Variants in ANKRD31 observed in about 807,000 individuals in gnomAD.
ANKRD31 encodes ankyrin repeat domain 31.
Under a neutral mutation model 186.0 loss-of-function variants are expected in ANKRD31, and 147 were observed. That is an observed-to-expected ratio of 0.79 (90% CI 0.69 to 0.91). ANKRD31 has a LOEUF of 0.91. Among genes scored for constraint, ANKRD31 ranks in the 40% least tolerant of loss-of-function variants. The pLI is 0.00. For missense variants in ANKRD31, 1,986 were observed against 2,148.8 expected, an observed-to-expected ratio of 0.92 and a Z score of 1.50; for synonymous variants, 673 against 736.4, an observed-to-expected ratio of 0.91 and a Z score of 1.39.
At chr5:75,082,118 T>A (rs905421425) in intron 24 of ANKRD31, among the ~76,000 whole-genome samples, 1 of 152,250 alleles carries the variant, frequency 6.6e-6, no homozygotes, top group African/African-American at 2.4e-5. Context: ...TTATTAATGT[T>A]ATCTGTTTCC....
chr5:75,079,325 G>T (rs1744905356), intron 25 of ANKRD31, among the ~76,000 whole-genome samples: 1 of 152,260 alleles, frequency 6.6e-6, no homozygotes, highest in East Asian at 1.9e-4. Flanking sequence ...TATTGAATGT[G>T]AACAGATATC....
intron 9 of ANKRD31, among the ~76,000 whole-genome samples, chr5:75,189,604 G>T (rs1754968600): frequency 6.6e-6 from 1 of 152,150 alleles, no homozygotes; most frequent in Non-Finnish European, 1.5e-5. Context: ...TAGACAAATT[G>T]CATGCTTACC....
chr5:75,191,880 C>T (rs1383043918), intron 9 of ANKRD31, among the ~76,000 whole-genome samples: 1 of 151,990 alleles, frequency 6.6e-6, no homozygotes, highest in Non-Finnish European at 1.5e-5. Flanking sequence ...TTGTTGACTC[C>T]AGCTTATCGC....
chr5:75,109,442 T>C (rs1268775770), intron 20 of ANKRD31, among the ~76,000 whole-genome samples: 1 of 152,182 alleles, frequency 6.6e-6, no homozygotes, highest in Non-Finnish European at 1.5e-5. Context: ...GAAAAAAGAT[T>C]TCTTTAGAGA....
intron 10 of ANKRD31, among the ~76,000 whole-genome samples, chr5:75,171,842 T>C (rs553899968): frequency 3.3e-5 from 5 of 150,994 alleles, no homozygotes; most frequent in Non-Finnish European, 5.9e-5. Flanking sequence ...CTGTCAAACA[T>C]TTAAGAAAGA....
chr5:75,080,721 C>A (rs1414873565), intron 24 of ANKRD31, 82 bp from the exon 25 acceptor site: 2 of 730,860 alleles, frequency 2.7e-6, no homozygotes, highest in South Asian at 2.7e-5. Flanking sequence ...GGTCACCCTA[C>A]CGATGGGAAA....
intron 7 of ANKRD31, among the ~76,000 whole-genome samples, chr5:75,194,129 T>A (rs1305135498): frequency 6.6e-6 from 1 of 152,168 alleles, no homozygotes; most frequent in Non-Finnish European, 1.5e-5. Flanking sequence ...TATGTATTCT[T>A]TATACGTATC....
intron 10 of ANKRD31, among the ~76,000 whole-genome samples, chr5:75,175,391 T>C (rs1238195934): frequency 6.6e-6 from 1 of 151,976 alleles, no homozygotes; most frequent in African/African-American, 2.4e-5. Context: ...AAAAAAAGAA[T>C]AGACTCCTCA....
chr5:75,235,193 A>G (rs1057095651), intron 1 of ANKRD31, among the ~76,000 whole-genome samples: 2 of 149,992 alleles, frequency 1.3e-5, no homozygotes, highest in Admixed American at 1.3e-4. Flanking sequence ...ATTTTACGAT[A>G]TAAACTTTGG....
intron 1 of ANKRD31, among the ~76,000 whole-genome samples, chr5:75,234,139 A>T (rs545617843): frequency 4.6e-5 from 7 of 152,362 alleles, no homozygotes; most frequent in Non-Finnish European, 7.3e-5. Flanking sequence ...GCAAATGTTT[A>T]AAAATAATGT....
chr5:75,232,763 C>A (rs1758025494), intron 1 of ANKRD31, among the ~76,000 whole-genome samples: 1 of 152,034 alleles, frequency 6.6e-6, no homozygotes, highest in Admixed American at 6.6e-5. Flanking sequence ...CAAAATAAGC[C>A]ACTGTGACAT....
chr5:75,119,615 A>G (rs1475718684), intron 17 of ANKRD31, among the ~76,000 whole-genome samples: 2 of 152,220 alleles, frequency 1.3e-5, no homozygotes, highest in African/African-American at 4.8e-5. Context: ...GTACATACCC[A>G]GTAATGGAAT....
At chr5:75,195,594 C>G (rs752214112) in intron 7 of ANKRD31, 37 bp downstream of exon 7, 6 of 1,446,342 alleles carry the variant, frequency 4.1e-6, no homozygotes, top group Admixed American at 4.8e-5. Flanking sequence ...GAACCATGTT[C>G]AAATGGTGGA....
chr5:75,117,830 A>T (rs1403987758), intron 18 of ANKRD31, among the ~76,000 whole-genome samples: 1 of 152,132 alleles, frequency 6.6e-6, no homozygotes, highest in Non-Finnish European at 1.5e-5. Flanking sequence ...CTACAACTAA[A>T]CTGATCTGCC....
chr5:75,157,120 A>G (rs1300029530), intron 11 of ANKRD31, among the ~76,000 whole-genome samples: 1 of 152,188 alleles, frequency 6.6e-6, no homozygotes, highest in African/African-American at 2.4e-5. Context: ...AGCATATTAG[A>G]GAGAACCTGT....
At chr5:75,133,873 G>T (rs2968589) in intron 17 of ANKRD31, among the ~76,000 whole-genome samples, 1 of 151,958 alleles carries the variant, frequency 6.6e-6, no homozygotes, top group Non-Finnish European at 1.5e-5. Context: ...ACTCAAAACC[G>T]CTCAAATACA....
chr5:75,206,514 T>A, intron 4 of ANKRD31, 27 bp from the exon 5 acceptor site: 2 of 1,299,818 alleles, frequency 1.5e-6, no homozygotes, highest in Non-Finnish European at 2.0e-6. Context: ...TAAAAATAAA[T>A]TTTAAAATGG....
chr5:75,159,074 T>C (rs1048853243), intron 11 of ANKRD31, among the ~76,000 whole-genome samples: 6 of 151,958 alleles, frequency 3.9e-5, no homozygotes, highest in African/African-American at 1.2e-4. Flanking sequence ...TTCAAAAGTA[T>C]AATAACTGAA....
In ANKRD31 at chr5:75,104,410, A is replaced by G; in HGVS notation, c.5149T>C (p.Ser1717Pro). 1 of 1,537,174 alleles carries G rather than the reference A, an allele frequency of 6.5e-7. No individual in the cohort carries two copies. Among genetic ancestry groups the G allele is most frequent in the South Asian group, 1.2e-5 (1 of 84,062 alleles). Reference sequence around the variant, plus strand: ...CTGTCATCTGCACATGGAACAACAGAAACTGATTTTTTAAGATATGGTTTC... The same window carrying G: ...CTGTCATCTGCACATGGAACAACAGGAACTGATTTTTTAAGATATGGTTTC... ...QMKPYLKKSV[S>P]VVPCADDSQI... Residue 1717 changes from serine to proline, a missense_variant, in exon 22 of 26, where the codon TCT (serine) becomes CCT (proline). By Grantham distance (74) the Ser-to-Pro change is moderately conservative (BLOSUM62 -1). Transcript: ENST00000506364.
Sources: allele counts gnomAD v4.1 joint callset (sites outside exome capture counted in the v4.1 genomes callset), GRCh38; gene constraint gnomAD v4.1.1; transcripts MANE v1.5; gene names NCBI Gene and HGNC (gene_info 2026-07-23, HGNC 2026-07-21).